DIAPH2: variants seen among roughly 807,000 people sequenced by gnomAD.
DIAPH2 encodes the protein protein diaphanous homolog 2.
In DIAPH2, 35 loss-of-function variants were observed where a neutral mutation model predicts 92.7. The ratio of observed to expected loss-of-function variants is 0.38; its 90% CI spans 0.29 to 0.50. DIAPH2 has a LOEUF of 0.50. Ranked by LOEUF, DIAPH2 falls within the 20% of genes least tolerant of loss-of-function variation. The pLI, the probability that DIAPH2 is intolerant of heterozygous loss-of-function variation, is 0.94. For synonymous variants in DIAPH2, 301 were observed against 280.4 expected, an observed-to-expected ratio of 1.07 and a Z score of -0.73; for missense variants, 701 against 819.5, an observed-to-expected ratio of 0.86 and a Z score of 1.77.
intron 25 of DIAPH2, among the ~76,000 whole-genome samples, chrX:97,418,609 G>C (rs1238704534): frequency 8.9e-6 from 1 of 111,854 alleles, no homozygotes; most frequent in Non-Finnish European, 1.9e-5. Flanking sequence ...GCTTGTGTTT[G>C]TGTGTCTTAT....
chrX:97,294,685 TATC>T (rs2068628520), intron 23 of DIAPH2, among the ~76,000 whole-genome samples: 2 of 111,946 alleles, frequency 1.8e-5, no homozygotes, highest in Middle Eastern at 4.7e-3. Context: ...TGTTATACAC[TATC>T]ATCATCATAT....
chrX:97,411,409 G>C (rs922743494), intron 25 of DIAPH2, among the ~76,000 whole-genome samples: 1 of 111,898 alleles, frequency 8.9e-6, no homozygotes, highest in African/African-American at 3.3e-5. Flanking sequence ...GAAGCACTAA[G>C]CATGGAAAGG....
intron 12 of DIAPH2, among the ~76,000 whole-genome samples, chrX:96,941,118 A>T (rs2065701573): frequency 8.9e-6 from 1 of 112,138 alleles, no homozygotes. Flanking sequence ...ATTACTAAAG[A>T]CATAGAAGAG....
At chrX:96,736,576 T>G (rs1358114307) in intron 2 of DIAPH2, among the ~76,000 whole-genome samples, 4 of 110,972 alleles carry the variant, frequency 3.6e-5, no homozygotes, top group Non-Finnish European at 7.6e-5. Context: ...CTGGCCAAAT[T>G]TTGTATTTTT....
intron 22 of DIAPH2, among the ~76,000 whole-genome samples, chrX:97,223,306 A>G (rs1359326858): frequency 9.0e-6 from 1 of 111,392 alleles, no homozygotes; most frequent in Non-Finnish European, 1.9e-5. Flanking sequence ...TCCTATCACT[A>G]TTTGCAGATT....
At chrX:97,411,116 G>A (rs1057373722) in intron 25 of DIAPH2, among the ~76,000 whole-genome samples, 6 of 111,178 alleles carry the variant, frequency 5.4e-5, no homozygotes, top group Non-Finnish European at 1.1e-4. Flanking sequence ...GATTCACCAA[G>A]GTTGAAATGA....
In DIAPH2 at chrX:96,735,790, G is replaced by T; in HGVS notation, c.165G>T (p.Val55=). Residue 55 remains valine, a splice_region_variant and synonymous_variant, in exon 2 of 27, where the codon GTG becomes GTT. Transcript: ENST00000324765. ...AAATAAAAACTTTGGCAGATGATGT[G>T]GTAAGGTGGTCTTAGCATGTTATTA... is the stretch of plus-strand genomic sequence containing the variant. The part of the protein sequence containing the change: ...NIQIKTLADD[V]RDRITSFRKS... The T allele has an allele frequency of 9.4e-7, 1 of 1,061,986 alleles. No homozygotes were observed. Among genetic ancestry groups the T allele is most frequent in the Non-Finnish European group, 1.3e-6 (1 of 783,650 alleles). 87.5% of individuals were successfully genotyped at this position (1,061,986 alleles called of 1,213,427 possible). A position where few individuals can be genotyped will look rare whatever the true frequency, so the allele number is the denominator to read the frequency against.
chrX:96,996,515 G>A (rs2066105948), intron 17 of DIAPH2, among the ~76,000 whole-genome samples: 1 of 111,615 alleles, frequency 9.0e-6, no homozygotes, highest in Admixed American at 9.5e-5. Flanking sequence ...TGACAGAAAT[G>A]AACTAGGTAG....
intron 23 of DIAPH2, among the ~76,000 whole-genome samples, chrX:97,334,796 C>A (rs182705362): frequency 5.7e-4 from 61 of 107,217 alleles, no homozygotes; most frequent in African/African-American, 2.0e-3. Flanking sequence ...GCCTGGCCAA[C>A]ATAGTGAAAC....
At chrX:96,853,361 A>T (rs1469480105) in intron 4 of DIAPH2, among the ~76,000 whole-genome samples, 1 of 111,825 alleles carries the variant, frequency 8.9e-6, no homozygotes, top group Non-Finnish European at 1.9e-5. Context: ...TAGAGCAGTT[A>T]TTATTTTTGT....
intron 25 of DIAPH2, among the ~76,000 whole-genome samples, chrX:97,397,273 T>A (rs936737516): frequency 1.8e-5 from 2 of 112,097 alleles, no homozygotes; most frequent in African/African-American, 3.2e-5. Context: ...CAAAAAATAA[T>A]TATCCTTTTA....
chrX:97,446,000 G>A (rs1449980993), intron 26 of DIAPH2, among the ~76,000 whole-genome samples: 1 of 109,771 alleles, frequency 9.1e-6, no homozygotes, highest in African/African-American at 3.3e-5. Context: ...TGGTGGGGGT[G>A]GGGGAAGAAG....
chrX:97,320,108 A>ATAT (rs752037015), intron 23 of DIAPH2, among the ~76,000 whole-genome samples: 6 of 104,997 alleles, frequency 5.7e-5, no homozygotes, highest in African/African-American at 2.1e-4. Context: ...TCAAAAAAAA[A>ATAT]ATATATATAT....
At chrX:97,292,030 C>A in intron 23 of DIAPH2, among the ~76,000 whole-genome samples, 1 of 109,354 alleles carries the variant, frequency 9.1e-6, no homozygotes, top group East Asian at 2.9e-4. Flanking sequence ...GATATTTCTG[C>A]TCTATTAATA....
At chrX:97,467,044 C>G (rs896500519) in intron 26 of DIAPH2, among the ~76,000 whole-genome samples, 1 of 112,166 alleles carries the variant, frequency 8.9e-6, no homozygotes, top group Admixed American at 9.5e-5. Context: ...AGTCCAGATT[C>G]ATCACTCTAG....
At chrX:96,739,550 C>T (rs183081438) in intron 3 of DIAPH2, among the ~76,000 whole-genome samples, 1 of 111,731 alleles carries the variant, frequency 9.0e-6, no homozygotes, top group Admixed American at 9.5e-5. Flanking sequence ...AAATCTAGAC[C>T]CTACTGTGCC....
At chrX:97,318,593 A>G (rs775125943) in intron 23 of DIAPH2, among the ~76,000 whole-genome samples, 8 of 97,527 alleles carry the variant, frequency 8.2e-5, no homozygotes, top group African/African-American at 3.1e-4. Flanking sequence ...CCCGGGTTCA[A>G]GCTATTCTCA....
At chrX:97,598,281 C>A (rs1396006225) in intron 26 of DIAPH2, among the ~76,000 whole-genome samples, 1 of 111,808 alleles carries the variant, frequency 8.9e-6, no homozygotes, top group Non-Finnish European at 1.9e-5. Context: ...TGCTGTGTAA[C>A]CTTCATCACT....
Position 97,322,903 on chromosome X carries a change from C to CTTT in DIAPH2, c.2845-25195_2845-25193dup, listed in dbSNP as rs1160046333. On this transcript the variant is annotated intron_variant, in intron 23 of 26. Transcript: ENST00000324765. ...ATTTATTCTTAAGTTTATCCCAGTTCTTTTTTTTTTTTTTTTTTTTGAGAG... is the reference window on the plus strand; with the variant it reads ...ATTTATTCTTAAGTTTATCCCAGTTCTTTTTTTTTTTTTTTTTTTTTTTGAGAG... Among the ~76,000 whole-genome samples, 60 of 76,889 alleles carry CTTT rather than the reference C, an allele frequency of 7.8e-4. 1 individual carries two copies. The highest frequency in any genetic ancestry group is 2.5e-3 in the African/African-American group (50 of 20,316). 66.8% of individuals were successfully genotyped at this position (76,889 alleles called of 115,157 possible).
Sources: allele counts gnomAD v4.1 joint callset (sites outside exome capture counted in the v4.1 genomes callset), GRCh38; gene constraint gnomAD v4.1.1; transcripts MANE v1.5; gene names NCBI Gene and HGNC (gene_info 2026-07-23, HGNC 2026-07-21).